Variants in ATP11A observed in about 807,000 individuals in gnomAD.
ATP11A encodes phospholipid-transporting ATPase IH.
A neutral mutation model predicts 154.4 loss-of-function variants in ATP11A; 81 were observed. That is an observed-to-expected ratio of 0.52 (90% confidence interval 0.44 to 0.63). The LOEUF is 0.63. ATP11A is among the 30% of genes least tolerant of loss of function. The probability of loss-of-function intolerance (pLI) is 0.00; values close to 1 mark genes in which losing one functional copy is unlikely to be tolerated. For synonymous variants in ATP11A, 623 were observed against 585.9 expected (o/e 1.06, Z -0.91); for missense variants, 1,316 against 1,474.3 (o/e 0.89, Z 1.76).
Position 112,884,430 on chromosome 13 carries a change from C to T in ATP11A, c.*2564C>T, listed in dbSNP as rs1391529106. 1.3e-5 allele frequency: 2 copies of T among 152,460 alleles called. No homozygotes were observed. Among genetic ancestry groups the T allele is most frequent in the African/African-American group, 2.4e-5 (1 of 41,434 alleles). The allele number at this position is 152,460 out of a possible 1,614,324, so 9.4% of individuals were successfully genotyped here. On this transcript the variant is annotated 3_prime_UTR_variant, in exon 30 of 30. Transcript: ENST00000375645. ...GTGAAAGTCACTAAACTTTTACACA[C>T]TCCCAAACGTCTTTTTAAAAATTGC...
intron 1 of ATP11A, among the ~76,000 whole-genome samples, chr13:112,710,084 CG>C (rs1887570228): frequency 6.6e-6 from 1 of 152,200 alleles, no homozygotes; most frequent in Non-Finnish European, 1.5e-5. Flanking sequence ...GCGTGACACC[CG>C]GGTGTCAGGC....
intron 17 of ATP11A, among the ~76,000 whole-genome samples, chr13:112,848,791 C>T (rs889545544): frequency 6.6e-6 from 1 of 152,188 alleles, no homozygotes; most frequent in Non-Finnish European, 1.5e-5. Context: ...GGGTTCAAGC[C>T]ATTCTCTTGC....
chr13:112,854,074 A>C (rs2140334283), intron 18 of ATP11A, among the ~76,000 whole-genome samples: 1 of 152,198 alleles, frequency 6.6e-6, no homozygotes, highest in South Asian at 2.1e-4. Context: ...TGCTGTTAGG[A>C]AGTGTTTCGC....
intron 1 of ATP11A, among the ~76,000 whole-genome samples, chr13:112,748,564 C>T (rs757997094): frequency 8.5e-5 from 13 of 152,152 alleles, no homozygotes; most frequent in Non-Finnish European, 1.6e-4. Context: ...CAGGGTTCTG[C>T]TCTGTCACCC....
chr13:112,815,549 A>G (rs2078623357), intron 5 of ATP11A, among the ~76,000 whole-genome samples: 1 of 152,282 alleles, frequency 6.6e-6, no homozygotes, highest in Non-Finnish European at 1.5e-5. Context: ...CTGATGAAAT[A>G]AAATGGATAC....
At chr13:112,798,334 T>G (rs1416292305) in intron 2 of ATP11A, among the ~76,000 whole-genome samples, 1 of 152,260 alleles carries the variant, frequency 6.6e-6, no homozygotes, top group East Asian at 1.9e-4. Flanking sequence ...GATCTCACCA[T>G]GTTGCCCAGA....
intron 1 of ATP11A, among the ~76,000 whole-genome samples, chr13:112,742,739 TGTGGCTGGATCTCAGGGGGCTCGGACAC>T (rs993529356): frequency 6.6e-6 from 1 of 152,174 alleles, no homozygotes; most frequent in African/African-American, 2.4e-5. Context: ...CTCCCCGCAG[TGTGGCTGGATCTCAGGGGGCTCGGACAC>T]GTGCTCAGAC....
rs188198785 is a variant in ATP11A, at chr13:112,701,790, G to A, written c.39+11335G>A. 3.4e-3 allele frequency among the ~76,000 whole-genome samples: 521 copies of A among 152,066 alleles called. 2 individuals carry two copies. Among genetic ancestry groups the A allele is most frequent in the African/African-American group, 0.012 (506 of 41,474 alleles). On this transcript the variant is annotated intron_variant, in intron 1 of 29. Transcript: ENST00000375645. Reference sequence around the variant, plus strand: ...GGAGCTTGCAGTGAGAGGAGATCGCGCCACTGCACTCCAGCCTGGGCGACA... The same window carrying A: ...GGAGCTTGCAGTGAGAGGAGATCGCACCACTGCACTCCAGCCTGGGCGACA...
intron 1 of ATP11A, among the ~76,000 whole-genome samples, chr13:112,701,619 T>A (rs1051274031): frequency 6.6e-6 from 1 of 150,872 alleles, no homozygotes; most frequent in Admixed American, 6.6e-5. Flanking sequence ...GATCACGAGG[T>A]CGGGAGATCG....
chr13:112,693,821 G>A (rs555766085), intron 1 of ATP11A, among the ~76,000 whole-genome samples: 4 of 152,210 alleles, frequency 2.6e-5, no homozygotes, highest in South Asian at 2.1e-4. Flanking sequence ...GCATGGTGGC[G>A]GGTGCCTGTA....
intron 12 of ATP11A, among the ~76,000 whole-genome samples, chr13:112,829,322 C>T (rs1381903609): frequency 6.6e-6 from 1 of 152,140 alleles, no homozygotes; most frequent in African/African-American, 2.4e-5. Flanking sequence ...AACAAAGTTG[C>T]AAAAATCCTC....
chr13:112,832,248 C>T (rs2079114952), intron 13 of ATP11A, among the ~76,000 whole-genome samples: 1 of 152,240 alleles, frequency 6.6e-6, no homozygotes. Context: ...TTTCCCCGCA[C>T]ACAGGGCAGC....
intron 19 of ATP11A, among the ~76,000 whole-genome samples, chr13:112,854,862 G>C (rs144803042): frequency 2.0e-5 from 3 of 152,342 alleles, no homozygotes; most frequent in Non-Finnish European, 4.4e-5. Context: ...TAGGGGCTCT[G>C]CTTCAGGCAC....
intron 1 of ATP11A, among the ~76,000 whole-genome samples, chr13:112,779,348 T>TGAG (rs1223484400): frequency 9.5e-4 from 53 of 55,568 alleles, no homozygotes; most frequent in African/African-American, 3.0e-3. Context: ...GCCGCTGGAG[T>TGAG]GAGTAGCCGC....
At chr13:112,765,371 TG>T (rs527412612) in intron 1 of ATP11A, among the ~76,000 whole-genome samples, 13 of 152,012 alleles carry the variant, frequency 8.6e-5, no homozygotes, top group Non-Finnish European at 1.9e-4. Context: ...GGTCCTGGCC[TG>T]GGGGGGTCGT....
At chr13:112,828,387 T>C (rs1415481835) in intron 12 of ATP11A, among the ~76,000 whole-genome samples, 12 of 50,346 alleles carry the variant, frequency 2.4e-4, no homozygotes, top group African/African-American at 3.2e-4. Flanking sequence ...AAGTGCCCAG[T>C]GGTGTTGAGT....
intron 1 of ATP11A, among the ~76,000 whole-genome samples, chr13:112,772,546 CCA>C (rs1359712906): frequency 1.3e-5 from 1 of 78,246 alleles, no homozygotes; most frequent in East Asian, 3.3e-4. Context: ...AAATGAAACC[CCA>C]TGCCCAGTAC....
At position 112,852,731 on chromosome 13, in the gene ATP11A, G is replaced by C. The variant is rs181979530; in HGVS notation, c.1991+1513G>C. Among the ~76,000 whole-genome samples, 450 of 147,474 alleles carry C rather than the reference G, an allele frequency of 3.1e-3. 1 individual carries two copies. Among genetic ancestry groups the C allele is most frequent in the African/African-American group, 7.4e-3 (292 of 39,694 alleles). On this transcript the variant is annotated intron_variant, in intron 18 of 29. Transcript: ENST00000375645. ...ACAGAGCCCCTGGGGCGGGGGGCAGGTTGACTTGACTGGAATGGGAATGTA... is the reference window on the plus strand; with the variant it reads ...ACAGAGCCCCTGGGGCGGGGGGCAGCTTGACTTGACTGGAATGGGAATGTA...
intron 10 of ATP11A, among the ~76,000 whole-genome samples, chr13:112,825,117 A>T (rs73569034): frequency 0.017 from 2,558 of 152,138 alleles, 69 homozygotes; most frequent in African/African-American, 0.059. Context: ...TGATTTCTGG[A>T]TGTACTTTTC....
Sources: allele counts gnomAD v4.1 joint callset (sites outside exome capture counted in the v4.1 genomes callset), GRCh38; gene constraint gnomAD v4.1.1; transcripts MANE v1.5; gene names NCBI Gene and HGNC (gene_info 2026-07-23, HGNC 2026-07-21).